The following P3H2 variants were observed in gnomAD, a reference collection of about 807,000 sequenced individuals.
P3H2 encodes the protein leprecan-like 1.
Under a neutral mutation model 87.0 loss-of-function variants are expected in P3H2, and 80 were observed. The ratio of observed to expected loss-of-function variants is 0.92; its 90% CI spans 0.77 to 1.11. The LOEUF is 1.11. Among genes scored for constraint, P3H2 ranks in the 50% least tolerant of loss-of-function variants. P3H2 has a pLI of 0.00. For synonymous variants in P3H2, 367 were observed against 359.3 expected, an observed-to-expected ratio of 1.02 and a Z score of -0.24; for missense variants, 1,001 against 923.9, an observed-to-expected ratio of 1.08 and a Z score of -1.08.
intron 1 of P3H2, among the ~76,000 whole-genome samples, chr3:190,015,461 A>G (rs1000246475): frequency 6.6e-6 from 1 of 152,222 alleles, no homozygotes; most frequent in Non-Finnish European, 1.5e-5. Context: ...TACTCACTGA[A>G]GAATAACTGA....
chr3:189,957,471 G>T lies in P3H2; in HGVS notation c.*441C>A. 1.1e-5 allele frequency: 4 copies of T among 378,360 alleles called. No homozygotes were observed. Among genetic ancestry groups the T allele is most frequent in the East Asian group, 4.5e-5 (1 of 22,124 alleles). The allele number at this position is 378,360 out of a possible 1,614,324, so 23.4% of individuals were successfully genotyped here. On this transcript the variant is annotated 3_prime_UTR_variant, in exon 15 of 15. Coordinates refer to ENST00000319332, the MANE Select transcript of P3H2 (RefSeq NM_018192.4). ...TGTGTGTGTGTGTGTGTGTGTGTGT[G>T]TGTGTGTGTTTGGGGGAGGAGGTGA...
At chr3:190,087,291 C>T (rs1223776055) in intron 1 of P3H2, among the ~76,000 whole-genome samples, 3 of 152,072 alleles carry the variant, frequency 2.0e-5, no homozygotes, top group Non-Finnish European at 4.4e-5. Flanking sequence ...AATCCCAGCA[C>T]TTTGGGAGGC....
intron 7 of P3H2, 71 bp from the exon 8 acceptor site, chr3:189,983,211 A>C: frequency 8.7e-7 from 1 of 1,143,368 alleles, no homozygotes; most frequent in Non-Finnish European, 1.3e-6. Flanking sequence ...AGAATACTTT[A>C]CCAAGGTAGT....
rs1262195305 is a variant in P3H2 at position 190,026,531 on chromosome 3, C to T, written c.481-31089G>A. On this transcript the variant is annotated intron_variant, in intron 1 of 14. Transcript: ENST00000319332. The stretch of plus-strand genomic sequence containing the variant: ...CAGTGCTAGGACAGTCTACAAATGC[C>T]GTGACAACCTCAGGAAGTTACCCTA... 5.9e-5 allele frequency among the ~76,000 whole-genome samples: 9 copies of T among 152,298 alleles called. No individual in the cohort carries two copies. In the East Asian group the frequency reaches 1.5e-3, roughly 26 times the overall value.
intron 1 of P3H2, among the ~76,000 whole-genome samples, chr3:190,111,254 G>C (rs1334770057): frequency 2.0e-5 from 3 of 152,164 alleles, no homozygotes; most frequent in Admixed American, 6.5e-5. Flanking sequence ...TATAATGCAA[G>C]TGGCATGCTG....
At chr3:190,097,839 T>C (rs1365797281) in intron 1 of P3H2, among the ~76,000 whole-genome samples, 1 of 152,086 alleles carries the variant, frequency 6.6e-6, no homozygotes, top group African/African-American at 2.4e-5. Flanking sequence ...GTCTGGAATG[T>C]ATTAAAGGAG....
intron 1 of P3H2, among the ~76,000 whole-genome samples, chr3:190,029,890 C>T (rs1313283260): frequency 6.6e-6 from 1 of 151,336 alleles, no homozygotes; most frequent in East Asian, 2.0e-4. Flanking sequence ...TAATCCCAGC[C>T]ATTCAGGAGG....
At chr3:190,001,177 T>C (rs1426478877) in intron 1 of P3H2, among the ~76,000 whole-genome samples, 2 of 152,202 alleles carry the variant, frequency 1.3e-5, no homozygotes, top group African/African-American at 4.8e-5. Flanking sequence ...AGTTCCCTAT[T>C]TTCTGAATTA....
chr3:190,107,159 T>C (rs1468731515), intron 1 of P3H2, among the ~76,000 whole-genome samples: 1 of 152,144 alleles, frequency 6.6e-6, no homozygotes, highest in Non-Finnish European at 1.5e-5. Context: ...TCTATATGAG[T>C]ATTTAGTCTG....
intron 13 of P3H2, chr3:189,969,827 A>G (rs546018509): frequency 6.3e-7 from 1 of 1,588,728 alleles, no homozygotes; most frequent in African/African-American, 1.3e-5. Flanking sequence ...AATTATTCCA[A>G]TCTTCATGGC....
intron 3 of P3H2, among the ~76,000 whole-genome samples, 162 bp from the exon 4 acceptor site, chr3:189,989,200 G>T (rs962619290): frequency 2.0e-5 from 3 of 152,186 alleles, no homozygotes; most frequent in Non-Finnish European, 4.4e-5. Flanking sequence ...TACAAAGAAA[G>T]TAGGTGACTT....
intron 1 of P3H2, among the ~76,000 whole-genome samples, chr3:190,015,188 A>T (rs1272192799): frequency 1.3e-5 from 2 of 152,032 alleles, no homozygotes; most frequent in Non-Finnish European, 2.9e-5. Flanking sequence ...ATTTTTAAAA[A>T]TTATTTGCTG....
At chr3:190,049,077 T>C (rs1425930492) in intron 1 of P3H2, among the ~76,000 whole-genome samples, 1 of 152,132 alleles carries the variant, frequency 6.6e-6, no homozygotes, top group Non-Finnish European at 1.5e-5. Context: ...CTTGCCAAAG[T>C]AGTAGTTTTC....
chr3:189,987,292 T>C (rs1388475384), intron 5 of P3H2, among the ~76,000 whole-genome samples: 1 of 151,656 alleles, frequency 6.6e-6, no homozygotes, highest in African/African-American at 2.4e-5. Flanking sequence ...CTGACCAACA[T>C]GGAGAAACCC....
At chr3:189,962,723 C>A (rs1023877540) in intron 14 of P3H2, among the ~76,000 whole-genome samples, 4 of 152,080 alleles carry the variant, frequency 2.6e-5, no homozygotes, top group African/African-American at 9.7e-5. Flanking sequence ...CACAATAGGT[C>A]TTTTGTAAAA....
chr3:190,019,780 TAA>T (rs770165435), intron 1 of P3H2, among the ~76,000 whole-genome samples: 11,966 of 56,900 alleles, frequency 0.21, 2,304 homozygotes, highest in Middle Eastern at 0.26. Context: ...ACCTAGAAAT[TAA>T]AAAATATATA....
intron 1 of P3H2, among the ~76,000 whole-genome samples, chr3:190,073,987 A>AT (rs1288565261): frequency 1.3e-5 from 2 of 152,226 alleles, no homozygotes; most frequent in African/African-American, 4.8e-5. Context: ...ATCATGCAGA[A>AT]TATCATTTGT....
At chr3:190,023,625 C>G (rs562717955) in intron 1 of P3H2, among the ~76,000 whole-genome samples, 1 of 152,110 alleles carries the variant, frequency 6.6e-6, no homozygotes, top group African/African-American at 2.4e-5. Flanking sequence ...TTGACATGGG[C>G]GGCGGGGATT....
intron 1 of P3H2, among the ~76,000 whole-genome samples, chr3:190,089,232 G>A (rs1458070010): frequency 2.6e-5 from 4 of 152,104 alleles, no homozygotes; most frequent in Non-Finnish European, 5.9e-5. Flanking sequence ...GGCGGGGGAA[G>A]CGGGGAGGGA....
Sources: allele counts gnomAD v4.1 joint callset (sites outside exome capture counted in the v4.1 genomes callset), GRCh38; gene constraint gnomAD v4.1.1; transcripts MANE v1.5; gene names NCBI Gene and HGNC (gene_info 2026-07-23, HGNC 2026-07-21).